The following SLCO3A1 variants were observed in gnomAD, a reference collection of about 807,000 sequenced individuals.
SLCO3A1 encodes the protein PGE1 transporter.
SLCO3A1 carries 27 observed loss-of-function variants against 63.1 expected under a neutral mutation model. That is an observed-to-expected ratio of 0.43 (90% CI 0.32 to 0.59). SLCO3A1 has a LOEUF of 0.59. Ranked by LOEUF, SLCO3A1 falls within the 20% of genes least tolerant of loss-of-function variation. The pLI is 0.09. For missense variants in SLCO3A1, 773 were observed against 945.8 expected (o/e 0.82, Z 2.40); for synonymous variants, 473 against 409.9 (o/e 1.15, Z -1.86).
At chr15:91,938,886 G>A (rs887128492) in intron 2 of SLCO3A1, among the ~76,000 whole-genome samples, 1 of 152,168 alleles carries the variant, frequency 6.6e-6, no homozygotes, top group African/African-American at 2.4e-5. Flanking sequence ...CCACCAGGAG[G>A]TTTTATCCTA....
Position 92,163,851 on chromosome 15 carries a change from A to AG in SLCO3A1, c.*721dup. On this transcript the variant is annotated 3_prime_UTR_variant, in exon 10 of 10. Transcript: ENST00000318445. ...TTCCATGTTCAAGACTGAGGGCCTG[A>AG]GGGGGAGCCAGGTGGGGGGCCAGCA... 1.0e-6 allele frequency: 1 copy of AG among 985,486 alleles called. No individual in the cohort carries two copies. Among genetic ancestry groups the AG allele is most frequent in the Non-Finnish European group, 1.2e-6 (1 of 830,086 alleles). The allele number at this position is 985,486 out of a possible 1,614,324, so 61.0% of individuals were successfully genotyped here.
intron 9 of SLCO3A1, among the ~76,000 whole-genome samples, chr15:92,158,217 C>T (rs1046850186): frequency 2.6e-5 from 4 of 152,156 alleles, no homozygotes; most frequent in African/African-American, 9.7e-5. Flanking sequence ...ATCAAACCCC[C>T]TGTGTGTTTC....
intron 2 of SLCO3A1, among the ~76,000 whole-genome samples, chr15:92,021,866 G>A (rs903144877): frequency 1.3e-5 from 2 of 152,076 alleles, no homozygotes; most frequent in Admixed American, 6.6e-5. Flanking sequence ...AGGCAGAGGA[G>A]TGTCAGAGCC....
At chr15:91,952,438 C>CATAAAGTAGG (rs1900030731) in intron 2 of SLCO3A1, among the ~76,000 whole-genome samples, 2 of 152,186 alleles carry the variant, frequency 1.3e-5, no homozygotes, top group Admixed American at 1.3e-4. Context: ...CCTGGGTGAG[C>CATAAAGTAGG]ACCTGGCATA....
rs538692652 is a variant in SLCO3A1, at chr15:91,883,956, C to T, written c.180+29868C>T. On this transcript the variant is annotated intron_variant, in intron 1 of 9. Coordinates refer to ENST00000318445, the MANE Select transcript of SLCO3A1 (RefSeq NM_013272.4). This position sits in a 1 kb window ranked among gnomAD's most constrained non-coding sequence, Gnocchi z 4.8. ...AAGGGATCCAGTTTCAGACCAAGGT[C>T]TGGCCTGACTGGAAAGCTTTATCAC... Among the ~76,000 whole-genome samples the T allele has an allele frequency of 1.3e-5, 2 of 152,236 alleles. No individual in the cohort carries two copies. Among genetic ancestry groups the T allele is most frequent in the Non-Finnish European group, 2.9e-5 (2 of 68,042 alleles).
intron 2 of SLCO3A1, among the ~76,000 whole-genome samples, chr15:91,939,264 G>A (rs377654282): frequency 6.6e-6 from 1 of 152,034 alleles, no homozygotes; most frequent in Non-Finnish European, 1.5e-5. Flanking sequence ...ACTTTTCAAC[G>A]ATCAGATCAA....
At position 91,912,527 on chromosome 15, in the gene SLCO3A1, C is replaced by G. The variant is rs1898518919; in HGVS notation, c.181-3466C>G. On this transcript the variant is annotated intron_variant, in intron 1 of 9. Coordinates refer to ENST00000318445, the MANE Select transcript of SLCO3A1 (RefSeq NM_013272.4). This position sits in a 1 kb window ranked among gnomAD's most constrained non-coding sequence, Gnocchi z 5.0. ...TGATTATTTTTTGTTTTGCCCACAGCTGTCTCTGTCCCAATCACCCTTATC... is the reference window on the plus strand; with the variant it reads ...TGATTATTTTTTGTTTTGCCCACAGGTGTCTCTGTCCCAATCACCCTTATC... 6.6e-6 allele frequency among the ~76,000 whole-genome samples: 1 copy of G among 152,222 alleles called. No homozygotes were observed. The highest frequency in any genetic ancestry group is 1.5e-5 in the Non-Finnish European group (1 of 68,048).
At position 91,854,437 on chromosome 15, in the gene SLCO3A1, G is replaced by A. The variant is rs1896859884; in HGVS notation, c.180+349G>A. 1 of 983,340 alleles carries A rather than the reference G, an allele frequency of 1.0e-6. No homozygotes were observed. The highest frequency in any genetic ancestry group is 1.2e-6 in the Non-Finnish European group (1 of 818,960). The allele number at this position is 983,340 out of a possible 1,614,324, so 60.9% of individuals were successfully genotyped here. On this transcript the variant is annotated intron_variant, in intron 1 of 9. Coordinates refer to ENST00000318445, the MANE Select transcript of SLCO3A1 (RefSeq NM_013272.4). The surrounding 1 kb of genome is among the most constrained non-coding windows in gnomAD (Gnocchi z 6.4). Reference sequence around the variant, plus strand: ...TGAGTTCAGGGTTCTCCTTGGAGAGGAACGAAAAAGCGTCGGGGTTTTCAG... The same window carrying A: ...TGAGTTCAGGGTTCTCCTTGGAGAGAAACGAAAAAGCGTCGGGGTTTTCAG...
At chr15:92,005,612 G>C (rs117471449) in intron 2 of SLCO3A1, among the ~76,000 whole-genome samples, 530 of 152,286 alleles carry the variant, frequency 3.5e-3, no homozygotes, top group Admixed American at 9.4e-3. Flanking sequence ...AGGAGTGCTT[G>C]GAAATGCCAG....
intron 2 of SLCO3A1, among the ~76,000 whole-genome samples, chr15:91,970,143 C>T (rs148478384): frequency 4.9e-4 from 75 of 152,354 alleles, no homozygotes; most frequent in African/African-American, 1.7e-3. Context: ...CATTGAAATA[C>T]AGTACCTTCT....
intron 1 of SLCO3A1, among the ~76,000 whole-genome samples, chr15:91,913,252 C>T (rs886386027): frequency 6.6e-6 from 1 of 152,190 alleles, no homozygotes; most frequent in Admixed American, 6.5e-5. Flanking sequence ...ATCAGAATGC[C>T]AGAGATAGAG....
chr15:92,145,648 CAA>C (rs2048211978), intron 7 of SLCO3A1, among the ~76,000 whole-genome samples: 1 of 151,984 alleles, frequency 6.6e-6, no homozygotes. Context: ...TGGGTTTTGA[CAA>C]AGAGCTAAAA....
intron 2 of SLCO3A1, among the ~76,000 whole-genome samples, chr15:92,044,115 G>C (rs1386338483): frequency 7.2e-5 from 11 of 152,032 alleles, no homozygotes; most frequent in African/African-American, 2.7e-4. Context: ...AGGATCTAGA[G>C]TCAGCCCCAC....
chr15:91,948,349 G>A lies in SLCO3A1; in HGVS notation c.646+31891G>A, dbSNP rs948341091. Among the ~76,000 whole-genome samples, 1 of 152,172 alleles carries A rather than the reference G, an allele frequency of 6.6e-6. No individual in the cohort carries two copies. The highest frequency in any genetic ancestry group is 1.5e-5 in the Non-Finnish European group (1 of 68,040). On this transcript the variant is annotated intron_variant, in intron 2 of 9. Transcript: ENST00000318445. This position sits in a 1 kb window ranked among gnomAD's most constrained non-coding sequence, Gnocchi z 4.8. ...TGTCCTAGAAGGGCTTCCAGAGCTCGAGCTGTTGCCAAGTTTAGAAGTGGC... is the reference window on the plus strand; with the variant it reads ...TGTCCTAGAAGGGCTTCCAGAGCTCAAGCTGTTGCCAAGTTTAGAAGTGGC...
intron 2 of SLCO3A1, among the ~76,000 whole-genome samples, chr15:92,039,069 C>T (rs532098163): frequency 1.8e-4 from 27 of 151,756 alleles, no homozygotes; most frequent in African/African-American, 6.0e-4. Flanking sequence ...GAAACTGGAC[C>T]CCGTCCTCCT....
At chr15:91,866,392 G>A (rs1380588616) in intron 1 of SLCO3A1, among the ~76,000 whole-genome samples, 1 of 152,068 alleles carries the variant, frequency 6.6e-6, no homozygotes, top group East Asian at 1.9e-4. Flanking sequence ...AGCCCTATCC[G>A]ATTCAGTGAG....
At position 91,872,073 on chromosome 15, in the gene SLCO3A1, G is replaced by T. The variant is rs897003735; in HGVS notation, c.180+17985G>T. On this transcript the variant is annotated intron_variant, in intron 1 of 9. Transcript: ENST00000318445. This position sits in a 1 kb window ranked among gnomAD's most constrained non-coding sequence, Gnocchi z 4.1. ...GTTCAAGGGATTGGTCACAAAAGAT[G>T]TGGGGAGTCAAATCCTCTGTGGAAA... Among the ~76,000 whole-genome samples the T allele has an allele frequency of 1.3e-5, 2 of 152,176 alleles. No individual in the cohort carries two copies. Among genetic ancestry groups the T allele is most frequent in the African/African-American group, 4.8e-5 (2 of 41,458 alleles).
At chr15:92,035,543 C>A (rs1897909708) in intron 2 of SLCO3A1, among the ~76,000 whole-genome samples, 1 of 151,750 alleles carries the variant, frequency 6.6e-6, no homozygotes, top group Non-Finnish European at 1.5e-5. Context: ...CTTCCTGTTG[C>A]CCCCTTGCTG....
At chr15:92,017,567 G>A (rs987263221) in intron 2 of SLCO3A1, among the ~76,000 whole-genome samples, 7 of 152,124 alleles carry the variant, frequency 4.6e-5, no homozygotes, top group African/African-American at 1.4e-4. Context: ...GAGGACTGGA[G>A]CAGGGTTGCT....
Sources: gnomAD v4.1 joint callset for allele counts (sites outside exome capture counted in the v4.1 genomes callset) on GRCh38, gnomAD v4.1.1 for gene constraint, Gnocchi (gnomAD v3.1) non-coding constraint, MANE v1.5 for transcripts, NCBI Gene and HGNC (gene_info 2026-07-23, HGNC 2026-07-21) for gene names.